Variants in STX5 observed in about 807,000 individuals in gnomAD.
The protein encoded by STX5 is syntaxin 5, also known as syntaxin-5.
A neutral mutation model predicts 42.9 loss-of-function variants in STX5; 15 were observed. That is an observed-to-expected ratio of 0.35 (90% CI 0.23 to 0.54). The LOEUF (loss-of-function observed/expected upper bound fraction) is 0.54. Among genes scored for constraint, STX5 ranks in the 20% least tolerant of loss-of-function variants. STX5 has a pLI of 0.91. For missense variants in STX5, 430 were observed against 455.0 expected (o/e 0.95, Z 0.50); for synonymous variants, 184 against 173.2 (o/e 1.06, Z -0.49).
intron 10 of STX5, among the ~76,000 whole-genome samples, chr11:62,808,220 G>A (rs2084574371): frequency 6.6e-6 from 1 of 152,052 alleles, no homozygotes; most frequent in African/African-American, 2.4e-5. Flanking sequence ...GAGCTCACGA[G>A]TTTGAGACCA....
chr11:62,807,809 C>A, intron 10 of STX5, 181 bp from the exon 11 acceptor site: 1 of 1,161,030 alleles, frequency 8.6e-7, no homozygotes, highest in Non-Finnish European at 1.2e-6. Flanking sequence ...TGAAAACCAA[C>A]TCTGCCATTT....
intron 1 of STX5, among the ~76,000 whole-genome samples, chr11:62,831,645 C>T (rs907750105): frequency 1.3e-5 from 2 of 152,206 alleles, no homozygotes; most frequent in African/African-American, 4.8e-5. Flanking sequence ...AGTGACGGAC[C>T]TCCAAAGACT....
intron 5 of STX5, among the ~76,000 whole-genome samples, chr11:62,826,475 T>C (rs1252850304): frequency 1.3e-5 from 2 of 151,950 alleles, no homozygotes; most frequent in Non-Finnish European, 2.9e-5. Context: ...GGGAGTCACT[T>C]GAACCCAGGA....
chr11:62,819,593 C>T (rs1042767115), intron 10 of STX5, among the ~76,000 whole-genome samples: 3 of 152,034 alleles, frequency 2.0e-5, no homozygotes, highest in Non-Finnish European at 4.4e-5. Context: ...TCTCTGCTCA[C>T]TGCAACCTCC....
intron 10 of STX5, among the ~76,000 whole-genome samples, chr11:62,816,740 A>AAG (rs2084677465): frequency 1.6e-5 from 1 of 61,790 alleles, no homozygotes; most frequent in Non-Finnish European, 3.1e-5. Context: ...AAAAAAAAAA[A>AAG]AAGAAGAATT....
chr11:62,825,048 G>C lies in STX5; in HGVS notation c.667C>G (p.Pro223Ala), dbSNP rs1411790813. 22 of 1,613,794 alleles carry C rather than the reference G, an allele frequency of 1.4e-5. No individual in the cohort carries two copies. The highest frequency in any genetic ancestry group is 1.9e-5 in the Non-Finnish European group (22 of 1,180,028). ...ACCTGTGACTTACCCAGGTGGTTAG[G>C]GGCAAGGGGCAGGGCTGACACAGGT... ...RAPVSALPLA[P>A]NHLGGGAVVL... is the part of the protein sequence containing the mutation. The change falls in exon 8 of 11, where the codon CCT (proline) becomes GCT (alanine). Residue 223 changes from proline to alanine, a missense_variant. Transcript: ENST00000294179.
At chr11:62,814,876 G>A (rs569525512) in intron 10 of STX5, among the ~76,000 whole-genome samples, 2 of 152,252 alleles carry the variant, frequency 1.3e-5, no homozygotes, top group African/African-American at 4.8e-5. Flanking sequence ...TTACAGGTGT[G>A]AGCCACTATG....
Position 62,831,122 on chromosome 11 carries a change from A to T in STX5, c.122T>A (p.Leu41Gln). 1 of 1,554,776 alleles carries T rather than the reference A, an allele frequency of 6.4e-7. No homozygotes were observed. The highest frequency in any genetic ancestry group is 8.7e-7 in the Non-Finnish European group (1 of 1,149,074). ...AGSSSSDIAPLPPPVTLVPPP... is the reference protein window; with the variant it reads ...AGSSSSDIAPQPPPVTLVPPP... ...AGGGACGAGGGTCACTGGGGGGGGC[A>T]GAGGGGCGATGTCGCTGCTGCTACT... The change falls in exon 2 of 11, where the codon CTG (leucine) becomes CAG (glutamine). Residue 41 changes from leucine to glutamine, a missense_variant. By Grantham distance (113) the Leu-to-Gln change is moderately radical. Transcript: ENST00000294179.
Position 62,827,231 on chromosome 11 carries a change from G to C in STX5, c.353-6C>G. 2 of 1,614,140 alleles carry C rather than the reference G, an allele frequency of 1.2e-6. No homozygotes were observed. Among genetic ancestry groups the C allele is most frequent in the Non-Finnish European group, 1.7e-6 (2 of 1,180,014 alleles). On this transcript the variant is annotated splice_polypyrimidine_tract_variant and splice_region_variant and intron_variant, in intron 4 of 10. Coordinates refer to ENST00000294179, the MANE Select transcript of STX5 (RefSeq NM_003164.5). The stretch of plus-strand genomic sequence containing the variant: ...GAGGGACTTGCGCTTTGCCACTACA[G>C]AGACAAACAAGAAGCCACAATGGGT...
At chr11:62,819,564 C>G (rs1315818121) in intron 10 of STX5, among the ~76,000 whole-genome samples, 1 of 151,856 alleles carries the variant, frequency 6.6e-6, no homozygotes, top group Non-Finnish European at 1.5e-5. Context: ...GTCACCCAGG[C>G]TGGAGTGCAG....
intron 10 of STX5, among the ~76,000 whole-genome samples, chr11:62,819,254 A>G (rs1186845380): frequency 2.6e-5 from 3 of 115,392 alleles, no homozygotes; most frequent in African/African-American, 6.4e-5. Flanking sequence ...AAAAAAAAAA[A>G]AAGAAGGTGA....
intron 10 of STX5, among the ~76,000 whole-genome samples, chr11:62,810,337 G>T (rs189612187): frequency 1.3e-5 from 2 of 152,230 alleles, no homozygotes; most frequent in East Asian, 3.9e-4. Context: ...AGCTACTGGG[G>T]AGGCTGAGGT....
Position 62,813,909 on chromosome 11 carries a change from T to C in STX5, c.909-6281A>G, listed in dbSNP as rs1384852617. On this transcript the variant is annotated intron_variant, in intron 10 of 10. Coordinates refer to ENST00000294179, the MANE Select transcript of STX5 (RefSeq NM_003164.5). ...CCCCGGAGCCCACTTCCTTTCACCT[T>C]CTCAAGGACATCATTTCAAGAATTC... Among the ~76,000 whole-genome samples, 5 of 152,168 alleles carry C rather than the reference T, an allele frequency of 3.3e-5. No homozygotes were observed. In the South Asian group the frequency reaches 8.3e-4, roughly 25 times the overall value.
chr11:62,831,002 C>T lies in STX5; in HGVS notation c.225+17G>A. On this transcript the variant is annotated intron_variant, in intron 2 of 10. Transcript: ENST00000294179. ...GAGTAAGGCTCACTCCTCGCCTTTT[C>T]CACTCCAGGTCCTTACCTGACGGGT... The T allele has an allele frequency of 6.5e-7, 1 of 1,547,560 alleles. No individual in the cohort carries two copies. The highest frequency in any genetic ancestry group is 1.2e-5 in the South Asian group (1 of 83,924).
chr11:62,825,308 T>G lies in STX5; in HGVS notation c.572A>C (p.Lys191Thr). ...CTCTGTCCTCACTTCTAAAACCGAT[T>G]TGAAGTCATTGGACATAGAAGCCAG... is the stretch of plus-strand genomic sequence containing the variant. ...SKLASMSNDFKSVLEVRTENL... is the reference protein window; with the variant it reads ...SKLASMSNDFTSVLEVRTENL... The change falls in exon 7 of 11, where the codon AAA becomes ACA. Residue 191 changes from lysine to threonine, a missense_variant. Transcript: ENST00000294179. 1 of 1,614,140 alleles carries G rather than the reference T, an allele frequency of 6.2e-7. No individual in the cohort carries two copies. The highest frequency in any genetic ancestry group is 8.5e-7 in the Non-Finnish European group (1 of 1,180,034).
At chr11:62,813,291 A>C (rs1398171499) in intron 10 of STX5, among the ~76,000 whole-genome samples, 1 of 152,066 alleles carries the variant, frequency 6.6e-6, no homozygotes, top group Non-Finnish European at 1.5e-5. Flanking sequence ...ACAACAAAAA[A>C]AATCAGTCAA....
intron 10 of STX5, among the ~76,000 whole-genome samples, chr11:62,820,762 G>A (rs1044147182): frequency 4.0e-5 from 6 of 151,450 alleles, no homozygotes; most frequent in African/African-American, 7.3e-5. Flanking sequence ...CGCCTGCCTC[G>A]GCCTCCCAAA....
At chr11:62,827,502 G>C (rs935827120) in intron 3 of STX5, 59 bp downstream of exon 3, 26 of 1,612,422 alleles carry the variant, frequency 1.6e-5, no homozygotes, top group Non-Finnish European at 2.0e-5. Flanking sequence ...GCCACTGATT[G>C]CAAGTCTACT....
chr11:62,809,456 C>T (rs1484638321), intron 10 of STX5, among the ~76,000 whole-genome samples: 1 of 151,296 alleles, frequency 6.6e-6, no homozygotes, highest in East Asian at 1.9e-4. Flanking sequence ...GGGTGCATCA[C>T]GAGGTCAGGA....
Sources: gnomAD v4.1 joint callset for allele counts (sites outside exome capture counted in the v4.1 genomes callset) on GRCh38, gnomAD v4.1.1 for gene constraint, MANE v1.5 for transcripts, NCBI Gene and HGNC (gene_info 2026-07-23, HGNC 2026-07-21) for gene names.